The following ROR2 variants were observed in gnomAD, a reference collection of about 807,000 sequenced individuals.
The protein encoded by ROR2 is ROR family WNT receptor 2, also known as tyrosine-protein kinase transmembrane receptor ROR2.
Under a neutral mutation model 74.9 loss-of-function variants are expected in ROR2, and 33 were observed. The ratio of observed to expected loss-of-function variants is 0.44; its 90% CI spans 0.33 to 0.59. The LOEUF is 0.59. ROR2 is among the 20% of genes least tolerant of loss of function. The pLI is 0.02. For missense variants in ROR2, 1,216 were observed against 1,313.8 expected, an observed-to-expected ratio of 0.93 and a Z score of 1.15; for synonymous variants, 586 against 558.7, an observed-to-expected ratio of 1.05 and a Z score of -0.69.
At chr9:91,910,710 C>T (rs1830955291) in intron 1 of ROR2, among the ~76,000 whole-genome samples, 2 of 151,858 alleles carry the variant, frequency 1.3e-5, no homozygotes, top group Middle Eastern at 3.2e-3. Flanking sequence ...GTTGCCCAGG[C>T]TAGAGTACAG....
intron 1 of ROR2, among the ~76,000 whole-genome samples, chr9:91,920,591 G>GT (rs1245679302): frequency 6.6e-6 from 1 of 152,208 alleles, no homozygotes; most frequent in African/African-American, 2.4e-5. Context: ...ATCAGGTGAG[G>GT]AAGCCTAGCA....
At chr9:91,829,212 C>T (rs1004650354) in intron 1 of ROR2, among the ~76,000 whole-genome samples, 6 of 152,194 alleles carry the variant, frequency 3.9e-5, no homozygotes, top group Non-Finnish European at 8.8e-5. Context: ...ACATGCTCTA[C>T]CCTTCTCAGA....
intron 1 of ROR2, among the ~76,000 whole-genome samples, chr9:91,835,681 C>A (rs1343519179): frequency 6.6e-6 from 1 of 152,196 alleles, no homozygotes; most frequent in East Asian, 1.9e-4. Context: ...TGAACTAAAT[C>A]TCTCCAGGAA....
chr9:91,864,942 A>G (rs1829584343), intron 1 of ROR2, among the ~76,000 whole-genome samples: 1 of 152,190 alleles, frequency 6.6e-6, no homozygotes, highest in Non-Finnish European at 1.5e-5. Context: ...ACATCACTTT[A>G]GCGGACGGGC....
At chr9:91,742,649 C>T (rs79573102) in intron 4 of ROR2, among the ~76,000 whole-genome samples, 1 of 152,186 alleles carries the variant, frequency 6.6e-6, no homozygotes, top group Non-Finnish European at 1.5e-5. Context: ...AAATCCTCAT[C>T]GCCTAGTGAC....
intron 1 of ROR2, among the ~76,000 whole-genome samples, chr9:91,930,157 T>C (rs1306731252): frequency 1.3e-5 from 2 of 152,186 alleles, no homozygotes; most frequent in Admixed American, 6.5e-5. Flanking sequence ...TAGCCACACA[T>C]TAGAGTCACC....
At chr9:91,917,267 A>G (rs1451188443) in intron 1 of ROR2, among the ~76,000 whole-genome samples, 1 of 152,118 alleles carries the variant, frequency 6.6e-6, no homozygotes, top group Non-Finnish European at 1.5e-5. Context: ...TCTTAGTTCT[A>G]AACACTTTGG....
intron 1 of ROR2, among the ~76,000 whole-genome samples, chr9:91,943,586 G>A (rs922343007): frequency 7.9e-5 from 12 of 151,984 alleles, no homozygotes; most frequent in Non-Finnish European, 1.8e-4. Flanking sequence ...TTTCAGAATG[G>A]ATATACCCAC....
chr9:91,817,822 T>C (rs1449588012), intron 1 of ROR2, among the ~76,000 whole-genome samples: 1 of 150,786 alleles, frequency 6.6e-6, no homozygotes, highest in Non-Finnish European at 1.5e-5. Flanking sequence ...AAGGCCCAGC[T>C]AGTTGTTAAG....
At chr9:91,760,149 T>G (rs1340896517) in intron 2 of ROR2, among the ~76,000 whole-genome samples, 3 of 152,238 alleles carry the variant, frequency 2.0e-5, no homozygotes, top group Admixed American at 2.0e-4. Context: ...CAGTGTTCTT[T>G]GCTGTCTCTC....
intron 1 of ROR2, among the ~76,000 whole-genome samples, chr9:91,921,963 A>G (rs1831277688): frequency 6.6e-6 from 1 of 151,952 alleles, no homozygotes; most frequent in Non-Finnish European, 1.5e-5. Context: ...CAAAAAAAAA[A>G]AATACACAAC....
rs544718979 is a variant in ROR2 at position 91,834,689 on chromosome 9, T to C, written c.98-58871A>G. ...ATGAAAAACCTAAGTGGAGTCAAAT[T>C]GTCAGGACCTTCTCCAAAGGTATGG... On this transcript the variant is annotated intron_variant, in intron 1 of 8. Coordinates refer to ENST00000375708, the MANE Select transcript of ROR2 (RefSeq NM_004560.4). 3.9e-5 allele frequency among the ~76,000 whole-genome samples: 6 copies of C among 152,248 alleles called. No homozygotes were observed. The East Asian group carries it at 1.2e-3, about 29-fold the overall frequency.
At chr9:91,824,839 C>T (rs1363652101) in intron 1 of ROR2, among the ~76,000 whole-genome samples, 1 of 152,204 alleles carries the variant, frequency 6.6e-6, no homozygotes, top group Non-Finnish European at 1.5e-5. Flanking sequence ...CCTGCCCTGG[C>T]AGGAGGGGGT....
chr9:91,851,330 G>A (rs1829082418), intron 1 of ROR2, among the ~76,000 whole-genome samples: 2 of 150,258 alleles, frequency 1.3e-5, no homozygotes, highest in South Asian at 4.2e-4. Flanking sequence ...CTCCACCCTG[G>A]GCGACAGAGC....
In ROR2 at chr9:91,757,794, G is replaced by A. The variant is rs78571588; in HGVS notation, c.176-235C>T. On this transcript the variant is annotated intron_variant, in intron 2 of 8. Transcript: ENST00000375708. The stretch of plus-strand genomic sequence containing the variant: ...AGAGTCAAATTCCTGTGAGCCTCTC[G>A]TCATAATACTTTCACCAACCAACCA... Among the ~76,000 whole-genome samples, 288 of 152,206 alleles carry A rather than the reference G, an allele frequency of 1.9e-3. 2 individuals carry two copies. Among genetic ancestry groups the A allele is most frequent in the Non-Finnish European group, 3.2e-3 (220 of 68,020 alleles).
chr9:91,762,024 G>A (rs559059053), intron 2 of ROR2, among the ~76,000 whole-genome samples: 1 of 152,176 alleles, frequency 6.6e-6, no homozygotes, highest in African/African-American at 2.4e-5. Flanking sequence ...GGCAATAATT[G>A]TTGTCTCAGT....
chr9:91,864,131 C>T (rs1257143404), intron 1 of ROR2, among the ~76,000 whole-genome samples: 1 of 152,226 alleles, frequency 6.6e-6, no homozygotes, highest in Non-Finnish European at 1.5e-5. Flanking sequence ...TCCTTAACCT[C>T]ATGTGCAGAC....
intron 1 of ROR2, among the ~76,000 whole-genome samples, chr9:91,830,808 CCG>C (rs771956553): frequency 6.8e-4 from 60 of 87,932 alleles, no homozygotes; most frequent in Non-Finnish European, 1.1e-3. Context: ...ATAACTGTGT[CCG>C]TGTGTGTGTG....
chr9:91,770,573 G>A (rs1212396732), intron 2 of ROR2, among the ~76,000 whole-genome samples: 2 of 152,188 alleles, frequency 1.3e-5, no homozygotes, highest in Non-Finnish European at 2.9e-5. Flanking sequence ...CCATCTCTGT[G>A]CACGCTCAGA....
Sources: allele counts gnomAD v4.1 joint callset (sites outside exome capture counted in the v4.1 genomes callset), GRCh38; gene constraint gnomAD v4.1.1; transcripts MANE v1.5; gene names NCBI Gene and HGNC (gene_info 2026-07-23, HGNC 2026-07-21).